FOXN3: variants seen among roughly 807,000 people sequenced by gnomAD.
FOXN3 encodes the protein forkhead box N3, also known as forkhead box protein N3.
A neutral mutation model predicts 38.4 loss-of-function variants in FOXN3; 7 were observed. The observed-to-expected ratio is 0.18, with a 90% CI of 0.10 to 0.34. The LOEUF (loss-of-function observed/expected upper bound fraction) is 0.34, where lower values mean the gene tolerates loss of function less well. Among genes scored for constraint, FOXN3 ranks in the 10% least tolerant of loss-of-function variants. FOXN3 has a pLI of 1.00. For synonymous variants in FOXN3, 230 were observed against 242.2 expected (o/e 0.95, Z 0.47); for missense variants, 456 against 613.4 (o/e 0.74, Z 2.71).
intron 1 of FOXN3, among the ~76,000 whole-genome samples, chr14:89,487,684 G>C (rs752674776): frequency 5.9e-5 from 9 of 152,194 alleles, no homozygotes; most frequent in Non-Finnish European, 1.3e-4. Flanking sequence ...GGGATGAAGA[G>C]TCAGAGATGA....
At chr14:89,270,468 T>C (rs1236738213) in intron 4 of FOXN3, among the ~76,000 whole-genome samples, 1 of 152,230 alleles carries the variant, frequency 6.6e-6, no homozygotes, top group Non-Finnish European at 1.5e-5. Context: ...CCAAACATTA[T>C]CTTTTAATTC....
intron 1 of FOXN3, among the ~76,000 whole-genome samples, chr14:89,486,984 C>T (rs1177969600): frequency 6.6e-6 from 1 of 152,174 alleles, no homozygotes; most frequent in Non-Finnish European, 1.5e-5. Context: ...TTATGTACTA[C>T]AGCTGCTACT....
At chr14:89,399,400 G>A (rs939504957) in intron 2 of FOXN3, among the ~76,000 whole-genome samples, 1 of 152,200 alleles carries the variant, frequency 6.6e-6, no homozygotes, top group African/African-American at 2.4e-5. Context: ...GAGTGTCCAC[G>A]TGGCCGCAGA....
chr14:89,435,699 C>T (rs1261717343), intron 1 of FOXN3, among the ~76,000 whole-genome samples: 1 of 152,192 alleles, frequency 6.6e-6, no homozygotes, highest in Non-Finnish European at 1.5e-5. Flanking sequence ...TCTTGAGAAA[C>T]CCTCAGCTAT....
intron 1 of FOXN3, among the ~76,000 whole-genome samples, chr14:89,571,513 A>G (rs1215247700): frequency 6.6e-6 from 1 of 151,638 alleles, no homozygotes; most frequent in Non-Finnish European, 1.5e-5. Flanking sequence ...TGTCTCACAA[A>G]AAAAAAAAAA....
intron 1 of FOXN3, among the ~76,000 whole-genome samples, chr14:89,534,390 G>C (rs1225923947): frequency 2.6e-5 from 4 of 152,060 alleles, no homozygotes; most frequent in Non-Finnish European, 5.9e-5. Context: ...GCATGAGCCA[G>C]CATGCCTGGC....
chr14:89,323,774 C>T (rs1250188513), intron 3 of FOXN3, among the ~76,000 whole-genome samples: 3 of 152,002 alleles, frequency 2.0e-5, no homozygotes, highest in Non-Finnish European at 4.4e-5. Context: ...GTGACAACAT[C>T]GATCTAAAGG....
At chr14:89,281,599 T>G (rs1274015855) in intron 3 of FOXN3, among the ~76,000 whole-genome samples, 2 of 152,188 alleles carry the variant, frequency 1.3e-5, no homozygotes, top group African/African-American at 4.8e-5. Flanking sequence ...TGCAGATATG[T>G]TACCACCCAC....
intron 4 of FOXN3, among the ~76,000 whole-genome samples, chr14:89,241,571 G>A (rs1466631525): frequency 1.3e-5 from 2 of 152,186 alleles, no homozygotes; most frequent in African/African-American, 4.8e-5. Context: ...AAAGCGGAGT[G>A]CCTCAGGAAA....
At chr14:89,210,325 C>A (rs1023436148) in intron 4 of FOXN3, among the ~76,000 whole-genome samples, 1 of 152,166 alleles carries the variant, frequency 6.6e-6, no homozygotes, top group African/African-American at 2.4e-5. Flanking sequence ...GAAATGCCAG[C>A]TCTCCCTTTA....
At chr14:89,519,186 C>T (rs955417168) in intron 1 of FOXN3, among the ~76,000 whole-genome samples, 50 of 152,136 alleles carry the variant, frequency 3.3e-4, no homozygotes, top group African/African-American at 1.2e-3. Flanking sequence ...GCTGCAGATG[C>T]CTGCGGTAGC....
At chr14:89,526,417 C>G (rs187084529) in intron 1 of FOXN3, among the ~76,000 whole-genome samples, 2 of 152,148 alleles carry the variant, frequency 1.3e-5, no homozygotes. Context: ...AGCAAGATTG[C>G]AAGATACAAC....
At chr14:89,587,613 A>G (rs1895867349) in intron 1 of FOXN3, among the ~76,000 whole-genome samples, 3 of 152,192 alleles carry the variant, frequency 2.0e-5, no homozygotes, top group African/African-American at 7.2e-5. Context: ...CATGCCTGTA[A>G]TCCAAGCACT....
chr14:89,339,712 T>G (rs750592645), intron 3 of FOXN3, among the ~76,000 whole-genome samples: 12 of 152,232 alleles, frequency 7.9e-5, no homozygotes, highest in Non-Finnish European at 1.2e-4. Flanking sequence ...GCTTCCTCAC[T>G]GTTTCCTCGG....
rs989549523 is a variant in FOXN3 at position 89,543,777 on chromosome 14, C to T, written c.-15+75251G>A. ...GAGAGAGACAGAAAATATCCCAACA[C>T]CCAACTAAAGACTAACTTATCAGAA... On this transcript the variant is annotated intron_variant, in intron 1 of 6. Transcript: ENST00000345097. 3.3e-5 allele frequency among the ~76,000 whole-genome samples: 5 copies of T among 152,314 alleles called. No homozygotes were observed. In the South Asian group the frequency reaches 1.0e-3, roughly 32 times the overall value.
chr14:89,315,474 G>A (rs1342065696), intron 3 of FOXN3, among the ~76,000 whole-genome samples: 1 of 152,098 alleles, frequency 6.6e-6, no homozygotes, highest in African/African-American at 2.4e-5. Context: ...CCCAACTAAC[G>A]AATCTGGGTG....
At chr14:89,457,414 G>C (rs1892749031) in intron 1 of FOXN3, among the ~76,000 whole-genome samples, 1 of 152,194 alleles carries the variant, frequency 6.6e-6, no homozygotes, top group African/African-American at 2.4e-5. Flanking sequence ...CATAGTGGCT[G>C]CAAGCATGGA....
intron 4 of FOXN3, among the ~76,000 whole-genome samples, chr14:89,241,288 C>T (rs1176355891): frequency 6.6e-6 from 1 of 152,228 alleles, no homozygotes; most frequent in East Asian, 1.9e-4. Context: ...ATTACTTGGC[C>T]TGTAAATTAT....
intron 4 of FOXN3, among the ~76,000 whole-genome samples, chr14:89,265,560 G>A (rs1885949678): frequency 6.6e-6 from 1 of 152,160 alleles, no homozygotes; most frequent in African/African-American, 2.4e-5. Context: ...GCACACAGAT[G>A]AATGAACTGG....
Sources: gnomAD v4.1 joint callset for allele counts (sites outside exome capture counted in the v4.1 genomes callset) on GRCh38, gnomAD v4.1.1 for gene constraint, MANE v1.5 for transcripts, NCBI Gene and HGNC (gene_info 2026-07-23, HGNC 2026-07-21) for gene names.